Variants in LMF1 observed in about 807,000 individuals in gnomAD.
The protein encoded by LMF1 is transmembrane protein 112.
Under a neutral mutation model 60.6 loss-of-function variants are expected in LMF1, and 68 were observed. The ratio of observed to expected loss-of-function variants is 1.12; its 90% CI spans 0.92 to 1.37. The LOEUF (loss-of-function observed/expected upper bound fraction) is 1.37. Ranked by LOEUF, LMF1 falls within the 40% of genes most tolerant of loss-of-function variation. LMF1 has a pLI of 0.00. For missense variants in LMF1, 948 were observed against 767.2 expected, an observed-to-expected ratio of 1.24 and a Z score of -2.78; for synonymous variants, 418 against 324.7, an observed-to-expected ratio of 1.29 and a Z score of -3.09.
rs1019026854 is a variant in LMF1, at chr16:856,268, G to A, written c.1530-1562C>T. ...TTTCCTTGGCTATAAGGACGGCAGC[G>A]GCCAGCATGGGGACTGAGGCCAGGT... On this transcript the variant is annotated intron_variant, in intron 10 of 10. Coordinates refer to ENST00000262301, the MANE Select transcript of LMF1 (RefSeq NM_022773.4). Among the ~76,000 whole-genome samples, 8 of 152,078 alleles carry A rather than the reference G, an allele frequency of 5.3e-5. 1 individual carries two copies. Among genetic ancestry groups the A allele is most frequent in the South Asian group, 4.1e-4 (2 of 4,820 alleles).
chr16:916,707 G>A (rs1027058767), intron 3 of LMF1, among the ~76,000 whole-genome samples: 13 of 152,212 alleles, frequency 8.5e-5, no homozygotes, highest in African/African-American at 2.9e-4. Context: ...CTCTGGCCAC[G>A]GGGAAAACAT....
chr16:956,885 T>C (rs1385444020), intron 1 of LMF1, among the ~76,000 whole-genome samples: 1 of 147,404 alleles, frequency 6.8e-6, no homozygotes, highest in East Asian at 2.0e-4. Flanking sequence ...TCGGGCACGG[T>C]GGCTCACGCC....
At chr16:950,063 C>T (rs1478461399) in intron 2 of LMF1, among the ~76,000 whole-genome samples, 2 of 67,804 alleles carry the variant, frequency 2.9e-5, no homozygotes, top group African/African-American at 9.7e-5. Flanking sequence ...ACAGAGTCAG[C>T]CAACGACAGA....
At chr16:922,884 G>C (rs1416307602) in intron 3 of LMF1, among the ~76,000 whole-genome samples, 2 of 121,500 alleles carry the variant, frequency 1.6e-5, no homozygotes, top group East Asian at 2.3e-4. Flanking sequence ...TTGGTGTCGT[G>C]TTGTTGCGAA....
chr16:854,428 C>T lies in LMF1; in HGVS notation c.*104G>A, dbSNP rs773853619. On this transcript the variant is annotated 3_prime_UTR_variant, in exon 11 of 11. Transcript: ENST00000262301. Reference sequence around the variant, plus strand: ...GGGCTGGGTCCCACCGCTCTCCTCTCCACGTCTCTCTTGGCGATGCCCAGC... The same window carrying T: ...GGGCTGGGTCCCACCGCTCTCCTCTTCACGTCTCTCTTGGCGATGCCCAGC... 6 of 1,187,602 alleles carry T rather than the reference C, an allele frequency of 5.1e-6. No homozygotes were observed. The highest frequency in any genetic ancestry group is 2.0e-5 in the Admixed American group (1 of 49,280). The allele number at this position is 1,187,602 out of a possible 1,614,324, so 73.6% of individuals were successfully genotyped here.
intron 6 of LMF1, among the ~76,000 whole-genome samples, chr16:876,234 C>T (rs553494738): frequency 5.9e-5 from 9 of 152,360 alleles, no homozygotes; most frequent in South Asian, 2.1e-4. Context: ...AGCCCACGCG[C>T]GGCCGCGGAG....
chr16:870,148 G>C, intron 8 of LMF1, 82 bp from the exon 9 acceptor site: 1 of 1,460,862 alleles, frequency 6.8e-7, no homozygotes, highest in Non-Finnish European at 9.2e-7. Flanking sequence ...GGGGTTCCCC[G>C]ACTGTCCATC....
Position 880,762 on chromosome 16 carries a change from G to A in LMF1, c.730-1025C>T, listed in dbSNP as rs144592432. Among the ~76,000 whole-genome samples, 6 of 152,378 alleles carry A rather than the reference G, an allele frequency of 3.9e-5. No homozygotes were observed. The East Asian group carries it at 9.6e-4, about 24-fold the overall frequency. ...GCAAATGGGGCCCAGGCCCCCACAC[G>A]CTGTTTTCTGGAAGCCCCCAACAAC... On this transcript the variant is annotated intron_variant, in intron 5 of 10. Transcript: ENST00000262301.
chr16:934,265 A>T lies in LMF1; in HGVS notation c.504-11T>A. ...TTACCGAAAGAGTACCTGAAAAACA[A>T]AAGAAGAAACGAGTATTAACACTTT... On this transcript the variant is annotated splice_polypyrimidine_tract_variant and intron_variant, in intron 2 of 10. Coordinates refer to ENST00000262301, the MANE Select transcript of LMF1 (RefSeq NM_022773.4). The T allele has an allele frequency of 6.3e-7, 1 of 1,599,318 alleles. No individual in the cohort carries two copies. The highest frequency in any genetic ancestry group is 2.2e-5 in the East Asian group (1 of 44,880).
At chr16:932,692 T>C (rs935460300) in intron 3 of LMF1, among the ~76,000 whole-genome samples, 2 of 152,220 alleles carry the variant, frequency 1.3e-5, no homozygotes, top group African/African-American at 2.4e-5. Flanking sequence ...ACTGCTAAGA[T>C]TATAGGCATA....
At chr16:963,935 C>T (rs1284796036) in intron 1 of LMF1, 1 of 410,322 alleles carries the variant, frequency 2.4e-6, no homozygotes, top group African/African-American at 2.1e-5. Flanking sequence ...CACAGGCTCT[C>T]AAAACAAAAC....
Position 897,008 on chromosome 16 carries a change from A to G in LMF1, c.664-3936T>C, listed in dbSNP as rs1567202115. On this transcript the variant is annotated intron_variant, in intron 4 of 10. Transcript: ENST00000262301. The surrounding 1 kb of genome is among the most constrained non-coding windows in gnomAD (Gnocchi z 4.3). Reference sequence around the variant, plus strand: ...CCCAAAATTAATTCTAAAAAAAAAAATGGCACAGACAGGCCAATAAACGCA... The same window carrying G: ...CCCAAAATTAATTCTAAAAAAAAAAGTGGCACAGACAGGCCAATAAACGCA... Among the ~76,000 whole-genome samples the G allele has an allele frequency of 1.3e-5, 2 of 151,980 alleles. No individual in the cohort carries two copies. Among genetic ancestry groups the G allele is most frequent in the Admixed American group, 6.5e-5 (1 of 15,272 alleles).
At chr16:913,857 G>A (rs910673490) in intron 3 of LMF1, among the ~76,000 whole-genome samples, 6 of 152,236 alleles carry the variant, frequency 3.9e-5, no homozygotes, top group Non-Finnish European at 8.8e-5. Flanking sequence ...GGCAGCCCGA[G>A]GCACATGGCG....
intron 2 of LMF1, among the ~76,000 whole-genome samples, chr16:937,057 G>C (rs1456803262): frequency 3.3e-5 from 5 of 152,322 alleles, no homozygotes; most frequent in Middle Eastern, 3.4e-3. Context: ...TACAAGCGTT[G>C]TGCAGAGAAG....
intron 2 of LMF1, among the ~76,000 whole-genome samples, chr16:952,352 C>T (rs1365375861): frequency 6.6e-6 from 1 of 152,042 alleles, no homozygotes; most frequent in Non-Finnish European, 1.5e-5. Context: ...GCCCTCCCTG[C>T]ATGAGCCTGC....
chr16:926,216 C>T lies in LMF1; in HGVS notation c.514+8028G>A, dbSNP rs527347919. On this transcript the variant is annotated intron_variant, in intron 3 of 10. Transcript: ENST00000262301. The stretch of plus-strand genomic sequence containing the variant: ...ATCTGCATACGTGGGTCTGTGTGCG[C>T]GTGTGCACGTTTGCATATGATCTGC... Among the ~76,000 whole-genome samples the T allele has an allele frequency of 9.9e-5, 15 of 151,784 alleles. No individual in the cohort carries two copies. In the South Asian group the frequency reaches 1.0e-3, roughly 11 times the overall value.
chr16:970,781 C>T lies in LMF1; in HGVS notation c.193+7G>A. ...TGGCGGATGTCCCGGGCCCGCCCGGCACTCACAGTACACGAAGGCTAGGGC... is the reference window on the plus strand; with the variant it reads ...TGGCGGATGTCCCGGGCCCGCCCGGTACTCACAGTACACGAAGGCTAGGGC... On this transcript the variant is annotated splice_region_variant and intron_variant, in intron 1 of 10. Coordinates refer to ENST00000262301, the MANE Select transcript of LMF1 (RefSeq NM_022773.4). The T allele has an allele frequency of 6.6e-7, 1 of 1,517,572 alleles. No individual in the cohort carries two copies. Among genetic ancestry groups the T allele is most frequent in the Non-Finnish European group, 8.9e-7 (1 of 1,129,246 alleles). The allele number at this position is 1,517,572 out of a possible 1,614,324, so 94.0% of individuals were successfully genotyped here.
intron 5 of LMF1, among the ~76,000 whole-genome samples, chr16:880,426 C>G (rs981713571): frequency 6.6e-6 from 1 of 152,202 alleles, no homozygotes; most frequent in Non-Finnish European, 1.5e-5. Context: ...GATCCCAGCA[C>G]TTTGGGAGGC....
chr16:954,092 C>T, intron 2 of LMF1: 1 of 574,366 alleles, frequency 1.7e-6, no homozygotes, highest in Non-Finnish European at 3.3e-6. Flanking sequence ...CTTTCCCCAT[C>T]CCTCTGGCTC....
Sources: gnomAD v4.1 joint callset for allele counts (sites outside exome capture counted in the v4.1 genomes callset) on GRCh38, gnomAD v4.1.1 for gene constraint, Gnocchi (gnomAD v3.1) non-coding constraint, MANE v1.5 for transcripts, NCBI Gene and HGNC (gene_info 2026-07-23, HGNC 2026-07-21) for gene names.